Variants in NAA15 observed in about 807,000 individuals in gnomAD.
The protein encoded by NAA15 is N-alpha-acetyltransferase 15, NatA auxiliary subunit.
In NAA15, 34 loss-of-function variants were observed where a neutral mutation model predicts 114.0. The observed-to-expected ratio is 0.30, with a 90% CI of 0.23 to 0.40. NAA15 has a LOEUF of 0.40. Ranked by LOEUF, NAA15 falls within the 10% of genes least tolerant of loss-of-function variation. The pLI, the probability that NAA15 is intolerant of heterozygous loss-of-function variation, is 1.00. For missense variants in NAA15, 658 were observed against 1,004.5 expected (o/e 0.66, Z 4.66); for synonymous variants, 340 against 338.0 (o/e 1.01, Z -0.06).
chr4:139,334,283 A>G (rs751511757), intron 2 of NAA15, 25 bp downstream of exon 2: 18 of 1,451,210 alleles, frequency 1.2e-5, no homozygotes, highest in Non-Finnish European at 1.7e-5. Flanking sequence ...ATAAAGCTTT[A>G]CTACATACCT....
rs1748963555 is a variant in NAA15, at chr4:139,388,317, T to A, written c.*233T>A. On this transcript the variant is annotated 3_prime_UTR_variant, in exon 20 of 20. Coordinates refer to ENST00000296543, the MANE Select transcript of NAA15 (RefSeq NM_057175.5). ...ATTAAAGCTGCTAAAATTGAGTGGT[T>A]AAAAAAGATACCTTATCCTATTCCT... is the stretch of plus-strand genomic sequence containing the variant. 3.0e-6 allele frequency: 1 copy of A among 338,636 alleles called. No homozygotes were observed. Among genetic ancestry groups the A allele is most frequent in the Non-Finnish European group, 5.4e-6 (1 of 186,236 alleles). The allele number at this position is 338,636 out of a possible 1,614,324, so 21.0% of individuals were successfully genotyped here. A position where few individuals can be genotyped will look rare whatever the true frequency, so the allele number is the denominator to read the frequency against.
Position 139,388,208 on chromosome 4 carries a change from A to G in NAA15, c.*124A>G. On this transcript the variant is annotated 3_prime_UTR_variant, in exon 20 of 20. Coordinates refer to ENST00000296543, the MANE Select transcript of NAA15 (RefSeq NM_057175.5). ...GAGGAGTAAATGTTCTTGCCTTCAAATAGTGTTTTACGTTTTTTATCCTGC... is the reference window on the plus strand; with the variant it reads ...GAGGAGTAAATGTTCTTGCCTTCAAGTAGTGTTTTACGTTTTTTATCCTGC... 1.4e-6 allele frequency: 1 copy of G among 727,102 alleles called. No individual in the cohort carries two copies. The highest frequency in any genetic ancestry group is 2.2e-6 in the Non-Finnish European group (1 of 456,294). 45.0% of individuals were successfully genotyped at this position (727,102 alleles called of 1,614,324 possible).
chr4:139,386,253 T>G, intron 19 of NAA15, 23 bp downstream of exon 19: 2 of 1,327,882 alleles, frequency 1.5e-6, no homozygotes, highest in South Asian at 1.2e-5. Context: ...TCATAATCTC[T>G]CTGTAAGAAT....
chr4:139,368,288 A>G (rs1027476378), intron 14 of NAA15, among the ~76,000 whole-genome samples: 2 of 152,200 alleles, frequency 1.3e-5, no homozygotes, highest in African/African-American at 4.8e-5. Context: ...GCTGAAGTCA[A>G]GATGTTGGCT....
At chr4:139,323,763 A>G (rs770711586) in intron 1 of NAA15, among the ~76,000 whole-genome samples, 1 of 152,164 alleles carries the variant, frequency 6.6e-6, no homozygotes, top group Admixed American at 6.6e-5. Context: ...ACAGCTGAAA[A>G]CAGCTATTTT....
chr4:139,362,815 C>T (rs1055200535), intron 14 of NAA15, among the ~76,000 whole-genome samples: 2 of 147,590 alleles, frequency 1.4e-5, no homozygotes, highest in East Asian at 4.2e-4. Flanking sequence ...TGATCTCATA[C>T]GTACAAAAAT....
intron 1 of NAA15, among the ~76,000 whole-genome samples, chr4:139,325,148 T>C (rs1430087800): frequency 2.0e-5 from 3 of 152,168 alleles, no homozygotes; most frequent in Non-Finnish European, 4.4e-5. Flanking sequence ...CTGTCAGTTA[T>C]TTGGAGGGGA....
intron 11 of NAA15, among the ~76,000 whole-genome samples, chr4:139,357,772 C>T (rs570930098): frequency 6.6e-6 from 1 of 152,292 alleles, no homozygotes; most frequent in Admixed American, 6.5e-5. Flanking sequence ...CACATACGTA[C>T]ATACATTAAT....
intron 1 of NAA15, among the ~76,000 whole-genome samples, chr4:139,317,405 C>T (rs1358115255): frequency 5.9e-5 from 9 of 152,046 alleles, no homozygotes; most frequent in African/African-American, 9.7e-5. Flanking sequence ...GGGTAGATCA[C>T]GAGGTCAAGA....
intron 11 of NAA15, among the ~76,000 whole-genome samples, chr4:139,358,103 G>A (rs773567771): frequency 6.6e-6 from 1 of 151,790 alleles, no homozygotes; most frequent in Non-Finnish European, 1.5e-5. Context: ...AGCTCTTGAG[G>A]GACTGATAAT....
chr4:139,365,246 C>A (rs771829475), intron 14 of NAA15, among the ~76,000 whole-genome samples: 1 of 152,054 alleles, frequency 6.6e-6, no homozygotes, highest in African/African-American at 2.4e-5. Flanking sequence ...CCATGTTGGT[C>A]GGGCTGGTCT....
chr4:139,375,181 G>C (rs1219155914), intron 15 of NAA15, among the ~76,000 whole-genome samples: 1 of 152,196 alleles, frequency 6.6e-6, no homozygotes, highest in Non-Finnish European at 1.5e-5. Context: ...ATGGGAGCAA[G>C]AAGTAAAATA....
At chr4:139,363,684 T>C (rs934203589) in intron 14 of NAA15, among the ~76,000 whole-genome samples, 1 of 152,246 alleles carries the variant, frequency 6.6e-6, no homozygotes, top group African/African-American at 2.4e-5. Flanking sequence ...TAGCATGGAT[T>C]ATTAGAAGTG....
rs532502602 is a variant in NAA15, at chr4:139,362,560, G to T, written c.1753+623G>T. 3.9e-5 allele frequency among the ~76,000 whole-genome samples: 6 copies of T among 152,114 alleles called. No individual in the cohort carries two copies. The South Asian group carries it at 1.2e-3, about 31-fold the overall frequency. On this transcript the variant is annotated intron_variant, in intron 14 of 19. Coordinates refer to ENST00000296543, the MANE Select transcript of NAA15 (RefSeq NM_057175.5). ...AGTGCTGGGATTGGCCTCCTAAAGT[G>T]CTGGGATTACAGGCATGAGCCACTA...
At position 139,386,144 on chromosome 4, in the gene NAA15, G is replaced by T. The variant is rs1218431213; in HGVS notation, c.2314G>T (p.Val772Leu). Residue 772 changes from valine (V) to leucine (L), a missense_variant, in exon 19 of 20, where the codon GTA becomes TTA. Val to Leu is a conservative substitution (Grantham distance 32). This residue lies in a region of NAA15 where 275 missense variants were observed against 371.1 expected (regional missense o/e 0.74). Coordinates refer to ENST00000296543, the MANE Select transcript of NAA15 (RefSeq NM_057175.5). Reference protein sequence around the residue: ...LPHRLSAAKMVYYLDPSSQKR... With the variant: ...LPHRLSAAKMLYYLDPSSQKR... ...TCCCTCTCATTTAGCTGCCAAAATG[G>T]TATATTACTTAGATCCTTCTAGTCA... is the stretch of plus-strand genomic sequence containing the variant. 8 of 1,586,176 alleles carry T rather than the reference G, an allele frequency of 5.0e-6. No homozygotes were observed. Among genetic ancestry groups the T allele is most frequent in the Non-Finnish European group, 6.9e-6 (8 of 1,164,742 alleles).
intron 6 of NAA15, 46 bp from the exon 7 acceptor site, chr4:139,349,416 G>C (rs1416788504): frequency 1.4e-6 from 2 of 1,459,194 alleles, no homozygotes; most frequent in South Asian, 1.4e-5. Context: ...CTAATTGGAA[G>C]GTTTTCTCAG....
chr4:139,347,761 G>A (rs1457768164), intron 6 of NAA15, among the ~76,000 whole-genome samples: 2 of 152,266 alleles, frequency 1.3e-5, no homozygotes, highest in Non-Finnish European at 2.9e-5. Flanking sequence ...GGCCGGGCGC[G>A]GTGGCTCACG....
chr4:139,310,083 TTA>T (rs1746165383), intron 1 of NAA15, among the ~76,000 whole-genome samples: 2 of 152,210 alleles, frequency 1.3e-5, no homozygotes, highest in Non-Finnish European at 2.9e-5. Flanking sequence ...GTGTGCAGTC[TTA>T]TATCTTTTAA....
At chr4:139,324,737 C>T (rs1263355490) in intron 1 of NAA15, among the ~76,000 whole-genome samples, 1 of 152,170 alleles carries the variant, frequency 6.6e-6, no homozygotes, top group Non-Finnish European at 1.5e-5. Flanking sequence ...TCAAGACCAG[C>T]CTGGCCAACA....
Sources: gnomAD v4.1 joint callset for allele counts (sites outside exome capture counted in the v4.1 genomes callset) on GRCh38, gnomAD v4.1.1 for gene constraint, gnomAD v4.1.1 regional missense constraint, MANE v1.5 for transcripts, NCBI Gene and HGNC (gene_info 2026-07-23, HGNC 2026-07-21) for gene names.